SFXN1: variants seen among roughly 807,000 people sequenced by gnomAD.
The protein encoded by SFXN1 is sideroflexin-1.
A neutral mutation model predicts 39.5 loss-of-function variants in SFXN1; 32 were observed. The observed-to-expected ratio is 0.81, with a 90% CI of 0.61 to 1.09. SFXN1 has a LOEUF of 1.09. Ranked by LOEUF, SFXN1 falls within the 50% of genes least tolerant of loss-of-function variation. The pLI, the probability that SFXN1 is intolerant of heterozygous loss-of-function variation, is 0.00. For missense variants in SFXN1, 402 were observed against 407.1 expected (o/e 0.99, Z 0.11); for synonymous variants, 136 against 146.5 (o/e 0.93, Z 0.52).
chr5:175,494,751 T>TAAA (rs1286516959), intron 2 of SFXN1, among the ~76,000 whole-genome samples: 1 of 122,098 alleles, frequency 8.2e-6, no homozygotes, highest in Non-Finnish European at 1.8e-5. Flanking sequence ...AAACTCCACC[T>TAAA]AAAAAAAAAA....
At chr5:175,505,817 ATTTTC>A (rs1245695921) in intron 2 of SFXN1, among the ~76,000 whole-genome samples, 2 of 151,958 alleles carry the variant, frequency 1.3e-5, no homozygotes, top group Non-Finnish European at 2.9e-5. Context: ...AATGTTTCAC[ATTTTC>A]TTTTCTTTTC....
Position 175,528,742 on chromosome 5 carries a change from C to T in SFXN1, c.*2008C>T, listed in dbSNP as rs1761151452. On this transcript the variant is annotated 3_prime_UTR_variant, in exon 11 of 11. Coordinates refer to ENST00000321442, the MANE Select transcript of SFXN1 (RefSeq NM_022754.7). Reference sequence around the variant, plus strand: ...CTGTCTTAAACCATTGGAAGCAAAACGGTTTTCCCATGACATTCTGGCCTT... The same window carrying T: ...CTGTCTTAAACCATTGGAAGCAAAATGGTTTTCCCATGACATTCTGGCCTT... The T allele has an allele frequency of 1.3e-5, 2 of 152,160 alleles. No individual in the cohort carries two copies. The highest frequency in any genetic ancestry group is 2.1e-4 in the South Asian group (1 of 4,830). 9.4% of individuals were successfully genotyped at this position (152,160 alleles called of 1,614,324 possible).
chr5:175,513,393 A>T, intron 6 of SFXN1, 70 bp from the exon 7 acceptor site: 1 of 1,548,020 alleles, frequency 6.5e-7, no homozygotes, highest in East Asian at 2.3e-5. Flanking sequence ...GATCTTTCCC[A>T]ACATAGTACT....
chr5:175,481,906 C>T (rs888915679), intron 1 of SFXN1, among the ~76,000 whole-genome samples: 4 of 152,186 alleles, frequency 2.6e-5, no homozygotes, highest in African/African-American at 9.7e-5. Flanking sequence ...ACCAGCCCAA[C>T]AGAAATCAGG....
At chr5:175,509,982 G>C (rs576690359) in intron 3 of SFXN1, 127 bp from the exon 4 acceptor site, 4 of 695,150 alleles carry the variant, frequency 5.8e-6, no homozygotes, top group Non-Finnish European at 1.0e-5. Flanking sequence ...TCCTAAGCCT[G>C]TGTGGCCTTA....
At chr5:175,485,970 G>T (rs372147022) in intron 1 of SFXN1, among the ~76,000 whole-genome samples, 1 of 152,154 alleles carries the variant, frequency 6.6e-6, no homozygotes, top group African/African-American at 2.4e-5. Flanking sequence ...GGCAAGCTTA[G>T]GCCAGCATCT....
chr5:175,492,065 A>C (rs2113280034), intron 1 of SFXN1, 30 bp from the exon 2 acceptor site: 3 of 1,578,972 alleles, frequency 1.9e-6, no homozygotes, highest in Non-Finnish European at 1.7e-6. Context: ...TGTAAGCCTT[A>C]CACGAACTTG....
At position 175,509,058 on chromosome 5, in the gene SFXN1, C is replaced by T. The variant is rs761537464; in HGVS notation, c.191C>T (p.Thr64Ile). Residue 64 changes from threonine to isoleucine, a missense_variant, in exon 3 of 11, where the codon ACA becomes ATA. Coordinates refer to ENST00000321442, the MANE Select transcript of SFXN1 (RefSeq NM_022754.7). ...YRQGIVPPGL[T>I]ENELWRAKYI... ...CAAGGAATTGTTCCTCCTGGTCTTA[C>T]AGAAAATGAATTGTGGAGAGCAAAG... is the stretch of plus-strand genomic sequence containing the variant. 2 of 1,609,254 alleles carry T rather than the reference C, an allele frequency of 1.2e-6. No homozygotes were observed. The highest frequency in any genetic ancestry group is 2.7e-5 in the African/African-American group (2 of 74,658).
At chr5:175,509,379 T>C in intron 3 of SFXN1, 177 bp downstream of exon 3, 1 of 517,776 alleles carries the variant, frequency 1.9e-6, no homozygotes, top group South Asian at 4.2e-5. Context: ...AAACATCATG[T>C]TGAACTCCTT....
chr5:175,494,751 T>TAA (rs1286516959), intron 2 of SFXN1, among the ~76,000 whole-genome samples: 1 of 122,088 alleles, frequency 8.2e-6, no homozygotes. Context: ...AAACTCCACC[T>TAA]AAAAAAAAAA....
At chr5:175,479,544 T>A (rs1759151453) in intron 1 of SFXN1, among the ~76,000 whole-genome samples, 1 of 152,194 alleles carries the variant, frequency 6.6e-6, no homozygotes, top group African/African-American at 2.4e-5. Flanking sequence ...CTGGGTTTTT[T>A]CTCTTTAGTG....
chr5:175,501,970 C>G (rs1287932605), intron 2 of SFXN1, among the ~76,000 whole-genome samples: 1 of 152,160 alleles, frequency 6.6e-6, no homozygotes, highest in Non-Finnish European at 1.5e-5. Context: ...ATTCGGTGAT[C>G]AGAGTTTTTG....
At chr5:175,516,701 T>G (rs766081960) in intron 8 of SFXN1, 38 bp downstream of exon 8, 72 of 1,598,476 alleles carry the variant, frequency 4.5e-5, no homozygotes, top group Non-Finnish European at 6.1e-5. Flanking sequence ...TCAACCCTTT[T>G]TATTTCTTTT....
At chr5:175,520,547 A>G (rs993484110) in intron 8 of SFXN1, among the ~76,000 whole-genome samples, 1 of 152,148 alleles carries the variant, frequency 6.6e-6, no homozygotes, top group African/African-American at 2.4e-5. Context: ...CCTTTCCGTC[A>G]AAACCCTCTG....
chr5:175,511,862 T>TCC (rs1207343103), intron 5 of SFXN1, among the ~76,000 whole-genome samples: 1 of 144,426 alleles, frequency 6.9e-6, no homozygotes, highest in Non-Finnish European at 1.5e-5. Flanking sequence ...TCTCTCTCTC[T>TCC]CCCCACTCCA....
Position 175,526,874 on chromosome 5 carries a change from C to G in SFXN1, c.*140C>G. 1 of 705,884 alleles carries G rather than the reference C, an allele frequency of 1.4e-6. No homozygotes were observed. Among genetic ancestry groups the G allele is most frequent in the Non-Finnish European group, 2.4e-6 (1 of 408,262 alleles). 43.7% of individuals were successfully genotyped at this position (705,884 alleles called of 1,614,324 possible). A position where few individuals can be genotyped will look rare whatever the true frequency, so the allele number is the denominator to read the frequency against. On this transcript the variant is annotated 3_prime_UTR_variant, in exon 11 of 11. Transcript: ENST00000321442. Reference sequence around the variant, plus strand: ...TCCACATTAGCCTTTTAGAATAAAGCTGCTACTTTAACAGAGCACCTGGCG... The same window carrying G: ...TCCACATTAGCCTTTTAGAATAAAGGTGCTACTTTAACAGAGCACCTGGCG...
chr5:175,506,302 AAAT>A (rs570797713), intron 2 of SFXN1, among the ~76,000 whole-genome samples: 99 of 152,336 alleles, frequency 6.5e-4, no homozygotes, highest in African/African-American at 2.1e-3. Context: ...ACAACCAAAA[AAAT>A]AAAAATTGGG....
intron 2 of SFXN1, among the ~76,000 whole-genome samples, chr5:175,501,218 G>A (rs1408321714): frequency 6.6e-6 from 1 of 151,840 alleles, no homozygotes; most frequent in South Asian, 2.1e-4. Context: ...ACAGGTACGT[G>A]CCACCACGCC....
chr5:175,513,673 T>C, intron 7 of SFXN1, 83 bp downstream of exon 7: 2 of 1,430,346 alleles, frequency 1.4e-6, no homozygotes, highest in South Asian at 1.2e-5. Context: ...CAAACACATA[T>C]ATCACACCTC....
Sources: allele counts gnomAD v4.1 joint callset (sites outside exome capture counted in the v4.1 genomes callset), GRCh38; gene constraint gnomAD v4.1.1; transcripts MANE v1.5; gene names NCBI Gene and HGNC (gene_info 2026-07-23, HGNC 2026-07-21).